Variants in SLC16A7 observed in about 807,000 individuals in gnomAD.
The protein encoded by SLC16A7 is monocarboxylate transporter 2.
A neutral mutation model predicts 34.9 loss-of-function variants in SLC16A7; 33 were observed. The observed-to-expected ratio is 0.94, with a 90% CI of 0.72 to 1.26. The LOEUF (loss-of-function observed/expected upper bound fraction) is 1.26. SLC16A7 is among the 50% of genes most tolerant of loss of function. SLC16A7 has a pLI of 0.00. For missense variants in SLC16A7, 573 were observed against 578.1 expected (o/e 0.99, Z 0.09); for synonymous variants, 201 against 206.6 (o/e 0.97, Z 0.23).
Position 59,775,402 on chromosome 12 carries a change from A to G in SLC16A7, c.1107A>G (p.Pro369=), listed in dbSNP as rs780784572. 1 of 1,614,128 alleles carries G rather than the reference A, an allele frequency of 6.2e-7. No individual in the cohort carries two copies. Among genetic ancestry groups the G allele is most frequent in the South Asian group, 1.1e-5 (1 of 91,088 alleles). The change falls in exon 5 of 6, where the codon CCA becomes CCG. Residue 369 remains proline, a synonymous_variant. Transcript: ENST00000547379. ...CTCTCATGGACCTCGTGGGTGCACC[A>G]AGATTTTCCAGTGCCGTCGGACTTG... ...FETLMDLVGA[P]RFSSAVGLVT...
intron 1 of SLC16A7, among the ~76,000 whole-genome samples, chr12:59,607,233 T>C (rs1225393644): frequency 6.6e-6 from 1 of 152,166 alleles, no homozygotes; most frequent in Non-Finnish European, 1.5e-5. Context: ...AAAGAAGACA[T>C]TAATGAAACA....
chr12:59,637,344 T>G (rs535664174), intron 1 of SLC16A7, among the ~76,000 whole-genome samples: 1 of 152,254 alleles, frequency 6.6e-6, no homozygotes, highest in Non-Finnish European at 1.5e-5. Flanking sequence ...AAAAGGATTT[T>G]TTCTGCTAAA....
At chr12:59,620,001 A>G (rs1381196269) in intron 1 of SLC16A7, among the ~76,000 whole-genome samples, 1 of 152,030 alleles carries the variant, frequency 6.6e-6, no homozygotes, top group East Asian at 1.9e-4. Context: ...GTTTGAGACT[A>G]GACATTCTAA....
Position 59,599,577 on chromosome 12 carries a change from T to A in SLC16A7, c.-130+3341T>A, listed in dbSNP as rs185627654. Among the ~76,000 whole-genome samples, 236 of 152,348 alleles carry A rather than the reference T, an allele frequency of 1.5e-3. 1 individual carries two copies. The highest frequency in any genetic ancestry group is 5.4e-3 in the African/African-American group (226 of 41,576). On this transcript the variant is annotated intron_variant, in intron 1 of 5. Coordinates refer to ENST00000547379, the MANE Select transcript of SLC16A7 (RefSeq NM_001270623.2). ...TTTTAGTTAAGCCACTGGCTGGCTT[T>A]GTCTTATGCAATGTTGTGGTAGTAC...
intron 1 of SLC16A7, among the ~76,000 whole-genome samples, chr12:59,650,068 T>TTA (rs1182299304): frequency 6.6e-6 from 1 of 152,112 alleles, no homozygotes; most frequent in Non-Finnish European, 1.5e-5. Context: ...TGTTTAGGAT[T>TTA]TATATATATC....
At chr12:59,744,038 C>A (rs369572453) in intron 3 of SLC16A7, among the ~76,000 whole-genome samples, 23 of 152,032 alleles carry the variant, frequency 1.5e-4, no homozygotes, top group African/African-American at 5.1e-4. Context: ...ATATGAGAAA[C>A]AAAAAAAGAT....
At chr12:59,696,113 A>G (rs2137112253) in intron 2 of SLC16A7, among the ~76,000 whole-genome samples, 1 of 152,050 alleles carries the variant, frequency 6.6e-6, no homozygotes, top group South Asian at 2.1e-4. Flanking sequence ...AATGCCAATA[A>G]GAATTTTCTT....
intron 2 of SLC16A7, among the ~76,000 whole-genome samples, chr12:59,693,274 A>G (rs1334637858): frequency 6.6e-6 from 1 of 151,930 alleles, no homozygotes; most frequent in Non-Finnish European, 1.5e-5. Context: ...ATAGCATGGA[A>G]TATTGGTAAG....
intron 3 of SLC16A7, chr12:59,768,213 C>A (rs143151350): frequency 4.4e-6 from 2 of 455,370 alleles, no homozygotes; most frequent in Non-Finnish European, 8.8e-6. Context: ...GATAACATCA[C>A]GATCATTCAC....
rs184903993 is a variant in SLC16A7 at position 59,723,994 on chromosome 12, A to G, written c.217+18976A>G. ...TATAAAAACTCAAAATGAAAAATGT[A>G]ATTGTGGCTTAAAAAATATGTATAA... On this transcript the variant is annotated intron_variant, in intron 3 of 5. Transcript: ENST00000547379. 1.4e-3 allele frequency among the ~76,000 whole-genome samples: 211 copies of G among 152,138 alleles called. 1 individual carries two copies. The highest frequency in any genetic ancestry group is 6.8e-3 in the Middle Eastern group (2 of 292).
intron 3 of SLC16A7, among the ~76,000 whole-genome samples, chr12:59,707,490 TTTTA>T (rs562980425): frequency 4.6e-5 from 7 of 151,984 alleles, no homozygotes; most frequent in Middle Eastern, 3.4e-3. Context: ...AAATAAATGT[TTTTA>T]TTTTATTCAT....
At chr12:59,659,377 C>G (rs1485449939) in intron 2 of SLC16A7, among the ~76,000 whole-genome samples, 1 of 151,884 alleles carries the variant, frequency 6.6e-6, no homozygotes, top group Non-Finnish European at 1.5e-5. Flanking sequence ...AACATTGTAT[C>G]CAAAAGGTAA....
At chr12:59,712,355 C>A (rs1322077797) in intron 3 of SLC16A7, among the ~76,000 whole-genome samples, 1 of 152,136 alleles carries the variant, frequency 6.6e-6, no homozygotes. Context: ...ATGCCCTTTA[C>A]CCATATTTTC....
At chr12:59,646,725 G>A (rs762072318) in intron 1 of SLC16A7, among the ~76,000 whole-genome samples, 1 of 152,166 alleles carries the variant, frequency 6.6e-6, no homozygotes, top group African/African-American at 2.4e-5. Context: ...AAAGCTGCAG[G>A]CACTCAATTC....
Position 59,786,842 on chromosome 12 carries a change from T to C in SLC16A7, c.*7163T>C, listed in dbSNP as rs1883656677. 6.6e-6 allele frequency: 1 copy of C among 152,152 alleles called. No individual in the cohort carries two copies. Among genetic ancestry groups the C allele is most frequent in the South Asian group, 2.1e-4 (1 of 4,834 alleles). 9.4% of individuals were successfully genotyped at this position (152,152 alleles called of 1,614,324 possible). A position where few individuals can be genotyped will look rare whatever the true frequency, so the allele number is the denominator to read the frequency against. On this transcript the variant is annotated 3_prime_UTR_variant, in exon 6 of 6. Coordinates refer to ENST00000547379, the MANE Select transcript of SLC16A7 (RefSeq NM_001270623.2). ...AGAAGCCGTAAGGTCATAATGATGA[T>C]CTTTGTAGAGTAAATAAAATATTTT...
chr12:59,643,619 C>T (rs1032647383), intron 1 of SLC16A7, among the ~76,000 whole-genome samples: 1 of 152,090 alleles, frequency 6.6e-6, no homozygotes, highest in Non-Finnish European at 1.5e-5. Context: ...GAGCAGGCTT[C>T]TTATGTACTT....
At chr12:59,769,217 G>A (rs1380110630) in intron 3 of SLC16A7, 25 of 152,134 alleles carry the variant, frequency 1.6e-4, no homozygotes, top group Admixed American at 1.6e-3. Context: ...AATATAGTGT[G>A]TAAAGTGTAA....
In SLC16A7 at chr12:59,783,066, A is replaced by G. The variant is rs929841175; in HGVS notation, c.*3387A>G. On this transcript the variant is annotated 3_prime_UTR_variant, in exon 6 of 6. Transcript: ENST00000547379. The stretch of plus-strand genomic sequence containing the variant: ...AGAATATAGAAAAGAAGACTAAAAG[A>G]TATATGATATAAATGTAAGTTTTTA... 2 of 152,206 alleles carry G rather than the reference A, an allele frequency of 1.3e-5. No individual in the cohort carries two copies. Among genetic ancestry groups the G allele is most frequent in the Non-Finnish European group, 2.9e-5 (2 of 68,038 alleles). 9.4% of individuals were successfully genotyped at this position (152,206 alleles called of 1,614,324 possible). A position where few individuals can be genotyped will look rare whatever the true frequency, so the allele number is the denominator to read the frequency against.
intron 2 of SLC16A7, among the ~76,000 whole-genome samples, chr12:59,676,252 T>G (rs1870301326): frequency 6.6e-6 from 1 of 152,182 alleles, no homozygotes; most frequent in African/African-American, 2.4e-5. Flanking sequence ...CTTCAATTTT[T>G]AGTATTTTTA....
Sources: allele counts gnomAD v4.1 joint callset (sites outside exome capture counted in the v4.1 genomes callset), GRCh38; gene constraint gnomAD v4.1.1; transcripts MANE v1.5; gene names NCBI Gene and HGNC (gene_info 2026-07-23, HGNC 2026-07-21).